Variants in GPC6 observed in about 807,000 individuals in gnomAD.
The protein encoded by GPC6 is glypican 6, also known as glypican-6.
A neutral mutation model predicts 55.2 loss-of-function variants in GPC6; 14 were observed. The ratio of observed to expected loss-of-function variants is 0.25; its 90% confidence interval spans 0.17 to 0.40. GPC6 has a LOEUF of 0.40. Among genes scored for constraint, GPC6 ranks in the 10% least tolerant of loss-of-function variants. The pLI is 1.00. For synonymous variants in GPC6, 278 were observed against 259.6 expected (o/e 1.07, Z -0.68); for missense variants, 641 against 708.5 (o/e 0.90, Z 1.08).
At chr13:93,743,336 C>T (rs1265045468) in intron 2 of GPC6, among the ~76,000 whole-genome samples, 1 of 151,844 alleles carries the variant, frequency 6.6e-6, no homozygotes, top group Non-Finnish European at 1.5e-5. Context: ...AAGTGTTTTC[C>T]TTAAAAAAAT....
intron 2 of GPC6, among the ~76,000 whole-genome samples, chr13:93,649,014 T>C (rs1246608485): frequency 6.6e-6 from 1 of 152,204 alleles, no homozygotes; most frequent in Non-Finnish European, 1.5e-5. Flanking sequence ...ATAATCTTAA[T>C]GGCATATAAT....
At chr13:94,315,153 G>C (rs1192489051) in intron 6 of GPC6, among the ~76,000 whole-genome samples, 1 of 152,220 alleles carries the variant, frequency 6.6e-6, no homozygotes, top group Non-Finnish European at 1.5e-5. Context: ...GATAGTCAAT[G>C]AATGAACCAC....
chr13:94,189,440 C>G (rs1889311301), intron 4 of GPC6, among the ~76,000 whole-genome samples: 1 of 152,134 alleles, frequency 6.6e-6, no homozygotes, highest in Admixed American at 6.5e-5. Flanking sequence ...GGGATGTTCC[C>G]TTTACTGCTA....
chr13:93,679,359 A>G (rs1881764761), intron 2 of GPC6, among the ~76,000 whole-genome samples: 1 of 152,168 alleles, frequency 6.6e-6, no homozygotes, highest in South Asian at 2.1e-4. Flanking sequence ...ACCACTCTAA[A>G]GCTGATTTAT....
At chr13:94,116,837 T>C (rs1283373207) in intron 4 of GPC6, among the ~76,000 whole-genome samples, 4 of 152,094 alleles carry the variant, frequency 2.6e-5, no homozygotes, top group Admixed American at 2.6e-4. Flanking sequence ...AAAGCAGTTG[T>C]TCTAACAAGC....
chr13:93,489,718 A>G (rs1463043314), intron 1 of GPC6, among the ~76,000 whole-genome samples: 1 of 151,398 alleles, frequency 6.6e-6, no homozygotes, highest in Non-Finnish European at 1.5e-5. Flanking sequence ...TAGGTATTTT[A>G]TTCTCTTTGA....
At chr13:93,334,692 C>G (rs1398471843) in intron 1 of GPC6, among the ~76,000 whole-genome samples, 1 of 152,182 alleles carries the variant, frequency 6.6e-6, no homozygotes, top group Non-Finnish European at 1.5e-5. Context: ...GTCTCGAACC[C>G]CTGACCTCAG....
chr13:93,586,775 G>C (rs1877221337), intron 2 of GPC6, among the ~76,000 whole-genome samples: 1 of 152,064 alleles, frequency 6.6e-6, no homozygotes, highest in Non-Finnish European at 1.5e-5. Flanking sequence ...TACAAGACTA[G>C]TTTCATAGTT....
Position 94,402,772 on chromosome 13 carries a change from A to G in GPC6, c.1466-243A>G, listed in dbSNP as rs140240780. ...AAGACCTTCTTCACAAGGTGACAGG[A>G]AAGAGAAGTGCCAAGCCGTGGGGGA... On this transcript the variant is annotated intron_variant, in intron 8 of 8. Coordinates refer to ENST00000377047, the MANE Select transcript of GPC6 (RefSeq NM_005708.5). Among the ~76,000 whole-genome samples, 3 of 152,308 alleles carry G rather than the reference A, an allele frequency of 2.0e-5. No homozygotes were observed. The East Asian group carries it at 5.8e-4, about 29-fold the overall frequency.
At position 93,666,601 on chromosome 13, in the gene GPC6, T is replaced by C. The variant is rs140064944; in HGVS notation, c.319+121180T>C. 1.3e-3 allele frequency among the ~76,000 whole-genome samples: 197 copies of C among 152,320 alleles called. 1 individual carries two copies. Among genetic ancestry groups the C allele is most frequent in the African/African-American group, 4.5e-3 (188 of 41,580 alleles). ...ATTGTAATAATGATGATAAGGATGA[T>C]TTCATGATGATTTCTGAAATATAGT... On this transcript the variant is annotated intron_variant, in intron 2 of 8. Transcript: ENST00000377047.
intron 4 of GPC6, among the ~76,000 whole-genome samples, chr13:94,248,124 T>A (rs1158792578): frequency 6.6e-6 from 1 of 152,146 alleles, no homozygotes; most frequent in African/African-American, 2.4e-5. Flanking sequence ...GGGAAGTACA[T>A]TCGTCATGGA....
At chr13:93,723,309 G>C (rs76571513) in intron 2 of GPC6, among the ~76,000 whole-genome samples, 1 of 151,880 alleles carries the variant, frequency 6.6e-6, no homozygotes, top group Non-Finnish European at 1.5e-5. Context: ...TGATGCTGAT[G>C]TTTCCTATGG....
intron 4 of GPC6, among the ~76,000 whole-genome samples, chr13:94,176,961 G>C (rs995996724): frequency 1.3e-5 from 2 of 152,032 alleles, no homozygotes; most frequent in South Asian, 2.1e-4. Context: ...TACCCTAAGC[G>C]CACAAACTAC....
At chr13:93,992,663 A>C (rs1881364324) in intron 3 of GPC6, among the ~76,000 whole-genome samples, 1 of 152,204 alleles carries the variant, frequency 6.6e-6, no homozygotes. Flanking sequence ...AGTGGCCTGG[A>C]TATTGATTAT....
At chr13:93,711,372 A>G (rs1158062372) in intron 2 of GPC6, among the ~76,000 whole-genome samples, 1 of 151,658 alleles carries the variant, frequency 6.6e-6, no homozygotes, top group Non-Finnish European at 1.5e-5. Context: ...ATTCACTATC[A>G]TGAGAACAGC....
At chr13:94,175,136 A>G (rs548214875) in intron 4 of GPC6, among the ~76,000 whole-genome samples, 2 of 152,262 alleles carry the variant, frequency 1.3e-5, no homozygotes, top group Admixed American at 6.5e-5. Context: ...ACTCAACATC[A>G]TATCCATGAG....
chr13:93,255,506 G>A (rs12583745), intron 1 of GPC6, among the ~76,000 whole-genome samples: 6,355 of 152,192 alleles, frequency 0.042, 246 homozygotes, highest in East Asian at 0.18. Flanking sequence ...AAAACAAGGT[G>A]AAAAGTGTTT....
chr13:94,237,177 A>G (rs1344278241), intron 4 of GPC6, among the ~76,000 whole-genome samples: 2 of 152,166 alleles, frequency 1.3e-5, no homozygotes, highest in Admixed American at 1.3e-4. Context: ...GTAGAAAAAG[A>G]CTACAGAAAT....
intron 4 of GPC6, among the ~76,000 whole-genome samples, chr13:94,039,157 G>T (rs1566322420): frequency 6.6e-6 from 1 of 151,994 alleles, no homozygotes; most frequent in Admixed American, 6.6e-5. Flanking sequence ...ACTTGCTGTT[G>T]TGTACATGGA....
Sources: allele counts gnomAD v4.1 joint callset (sites outside exome capture counted in the v4.1 genomes callset), GRCh38; gene constraint gnomAD v4.1.1; transcripts MANE v1.5; gene names NCBI Gene and HGNC (gene_info 2026-07-23, HGNC 2026-07-21).